Variants in FKBP14 observed in about 807,000 individuals in gnomAD.
FKBP14 encodes the protein peptidyl-prolyl cis-trans isomerase FKBP14.
Under a neutral mutation model 21.6 loss-of-function variants are expected in FKBP14, and 20 were observed. That is an observed-to-expected ratio of 0.92 (90% CI 0.65 to 1.34). FKBP14 has a LOEUF of 1.34. FKBP14 is among the 40% of genes most tolerant of loss of function. The probability of loss-of-function intolerance (pLI) is 0.00; values close to 1 mark genes in which losing one functional copy is unlikely to be tolerated. For missense variants in FKBP14, 253 were observed against 249.0 expected (o/e 1.02, Z -0.11); for synonymous variants, 79 against 86.7 (o/e 0.91, Z 0.49).
chr7:30,026,193 A>G, intron 1 of FKBP14, 119 bp downstream of exon 1: 1 of 939,974 alleles, frequency 1.1e-6, no homozygotes, highest in South Asian at 2.1e-5. Flanking sequence ...GAAGGAAATA[A>G]GATATTTCGG....
downstream of FKBP14, among the ~76,000 whole-genome samples, chr7:30,009,117 T>C (rs1789668483): frequency 2.0e-5 from 3 of 152,226 alleles, no homozygotes; most frequent in South Asian, 4.1e-4. Flanking sequence ...AAAATTCTTA[T>C]GTCCAAGTGC....
intron 1 of FKBP14, among the ~76,000 whole-genome samples, chr7:30,023,579 A>G (rs1231768424): frequency 6.6e-6 from 1 of 152,192 alleles, no homozygotes; most frequent in Non-Finnish European, 1.5e-5. Context: ...CCCCTCAAGG[A>G]CTGGTGTGTT....
At position 30,014,001 on chromosome 7, in the gene FKBP14, T is replaced by C. The variant is rs1219223784; in HGVS notation, c.*734A>G. The C allele has an allele frequency of 6.6e-6, 1 of 152,190 alleles. No individual in the cohort carries two copies. Among genetic ancestry groups the C allele is most frequent in the Non-Finnish European group, 1.5e-5 (1 of 68,056 alleles). The allele number at this position is 152,190 out of a possible 1,614,324, so 9.4% of individuals were successfully genotyped here. On this transcript the variant is annotated 3_prime_UTR_variant, in exon 4 of 4. Coordinates refer to ENST00000222803, the MANE Select transcript of FKBP14 (RefSeq NM_017946.4). ...CCTCAGCCTTCCTGGGTAGCTGGGA[T>C]TACAGGCACGCATCACCACGCCCGG...
chr7:30,017,065 G>T (rs897849983), intron 3 of FKBP14, among the ~76,000 whole-genome samples: 4 of 151,864 alleles, frequency 2.6e-5, no homozygotes, highest in African/African-American at 9.7e-5. Flanking sequence ...GGGGAAATAA[G>T]ACTATGTATT....
chr7:30,015,612 T>A (rs1024679791), intron 3 of FKBP14, among the ~76,000 whole-genome samples: 4 of 151,048 alleles, frequency 2.6e-5, no homozygotes, highest in Non-Finnish European at 4.4e-5. Context: ...TTCTTTTCTT[T>A]TTTTAGACAG....
chr7:30,010,137 TTTC>T (rs1366250981), downstream of FKBP14, among the ~76,000 whole-genome samples: 6 of 152,152 alleles, frequency 3.9e-5, no homozygotes, highest in African/African-American at 1.4e-4. Flanking sequence ...GAAATCATTG[TTTC>T]TCGTTATTTT....
At position 30,026,430 on chromosome 7, in the gene FKBP14, C is replaced by T. The variant is rs148775136; in HGVS notation, c.79G>A (p.Val27Met). 2.5e-6 allele frequency: 4 copies of T among 1,614,196 alleles called. No homozygotes were observed. In the South Asian group the frequency reaches 3.3e-5, roughly 13 times the overall value. The part of the protein sequence containing the change: ...LIGALIPEPE[V>M]KIEVLQKPFI... ...GGCTTCTGGAGAACTTCAATTTTCA[C>T]TTCTGGTTCAGGGATCAAAGCCCCA... The change falls in exon 1 of 4, where the codon GTG becomes ATG. Residue 27 changes from valine (V) to methionine (M), a missense_variant. Transcript: ENST00000222803.
downstream of FKBP14, among the ~76,000 whole-genome samples, chr7:30,009,060 C>T (rs142866081): frequency 2.0e-5 from 3 of 151,938 alleles, no homozygotes; most frequent in African/African-American, 2.4e-5. Flanking sequence ...ATCATTTTGA[C>T]ATCTTAGATT....
In FKBP14 at chr7:30,026,492, C is replaced by T; in HGVS notation, c.17G>A (p.Trp6Ter). 1 of 1,611,718 alleles carries T rather than the reference C, an allele frequency of 6.2e-7. No homozygotes were observed. The highest frequency in any genetic ancestry group is 8.5e-7 in the Non-Finnish European group (1 of 1,179,032). The change falls in exon 1 of 4, where the codon TGG (tryptophan) becomes TAG (stop). Residue 6 changes from tryptophan to a stop codon, truncating the protein, a stop_gained. Coordinates refer to ENST00000222803, the MANE Select transcript of FKBP14 (RefSeq NM_017946.4). LOFTEE classifies it high-confidence loss of function. ...GACGAACAGAGTCAAGACCGCGTTC[C>T]ACAAGAAAAGCCTCATGTTGCTGAA... MRLFL[W>*]NAVLTLFVTS... is the part of the protein sequence containing the mutation.
In FKBP14 at chr7:30,015,916, C is replaced by T. The variant is rs559744030; in HGVS notation, c.478-1023G>A. On this transcript the variant is annotated intron_variant, in intron 3 of 3. Transcript: ENST00000222803. Reference sequence around the variant, plus strand: ...CTGGGATTACAGGCGTGAGCCACCGCGCCCGGCCTTTTAGACAGAATCTTG... The same window carrying T: ...CTGGGATTACAGGCGTGAGCCACCGTGCCCGGCCTTTTAGACAGAATCTTG... 2.0e-5 allele frequency among the ~76,000 whole-genome samples: 3 copies of T among 151,324 alleles called. No individual in the cohort carries two copies. In the South Asian group the frequency reaches 6.3e-4, roughly 32 times the overall value.
chr7:30,020,292 A>C, intron 2 of FKBP14: 2 of 1,285,354 alleles, frequency 1.6e-6, no homozygotes, highest in South Asian at 2.6e-5. Context: ...GCATGCAAGC[A>C]TGTACTAAAA....
intron 1 of FKBP14, among the ~76,000 whole-genome samples, chr7:30,024,596 C>A (rs894257671): frequency 6.6e-6 from 1 of 152,160 alleles, no homozygotes; most frequent in Non-Finnish European, 1.5e-5. Flanking sequence ...CGGGGTTTCA[C>A]CATGTTGGCC....
At chr7:30,020,826 T>A (rs1478131525) in intron 2 of FKBP14, among the ~76,000 whole-genome samples, 1 of 152,014 alleles carries the variant, frequency 6.6e-6, no homozygotes, top group Non-Finnish European at 1.5e-5. Context: ...TCAGAAAAAA[T>A]TTTCTAGATA....
In FKBP14 at chr7:30,018,991, G is replaced by T. The variant is rs1262905524; in HGVS notation, c.477+5C>A. 1.2e-6 allele frequency: 2 copies of T among 1,607,138 alleles called. No individual in the cohort carries two copies. Among genetic ancestry groups the T allele is most frequent in the Admixed American group, 1.7e-5 (1 of 58,554 alleles). Reference sequence around the variant, plus strand: ...GAAAGAGGAGTAGGAAGAAGGAAAGGTCACCTCATCTTTAGAGAGTTTCCA... The same window carrying T: ...GAAAGAGGAGTAGGAAGAAGGAAAGTTCACCTCATCTTTAGAGAGTTTCCA... On this transcript the variant is annotated splice_donor_5th_base_variant and intron_variant, in intron 3 of 3. Coordinates refer to ENST00000222803, the MANE Select transcript of FKBP14 (RefSeq NM_017946.4).
At chr7:30,010,034 T>G (rs190909875), downstream of FKBP14, among the ~76,000 whole-genome samples, 1 of 151,878 alleles carries the variant, frequency 6.6e-6, no homozygotes, top group Non-Finnish European at 1.5e-5. Flanking sequence ...AAAAGAAATA[T>G]AAGCAATATC....
chr7:30,025,179 C>T (rs1016254206), intron 1 of FKBP14, among the ~76,000 whole-genome samples: 5 of 152,164 alleles, frequency 3.3e-5, no homozygotes, highest in African/African-American at 1.2e-4. Context: ...ATGTTATTCC[C>T]TCTACCTACA....
downstream of FKBP14, among the ~76,000 whole-genome samples, chr7:30,010,428 T>C (rs746215149): frequency 3.3e-5 from 5 of 152,214 alleles, no homozygotes; most frequent in Non-Finnish European, 5.9e-5. Context: ...AATATACCTA[T>C]ACAGAGCAGA....
At position 30,013,356 on chromosome 7, in the gene FKBP14, TCTC is replaced by T. The variant is rs1789794719; in HGVS notation, c.*1376_*1378del. The T allele has an allele frequency of 6.6e-6, 1 of 151,710 alleles. No homozygotes were observed. Among genetic ancestry groups the T allele is most frequent in the African/African-American group, 2.4e-5 (1 of 41,214 alleles). The allele number at this position is 151,710 out of a possible 1,614,324, so 9.4% of individuals were successfully genotyped here. A position where few individuals can be genotyped will look rare whatever the true frequency, so the allele number is the denominator to read the frequency against. On this transcript the variant is annotated 3_prime_UTR_variant, in exon 4 of 4. Coordinates refer to ENST00000222803, the MANE Select transcript of FKBP14 (RefSeq NM_017946.4). ...CCTCCGCCTCCCGGGTTCAAGCAAA[TCTC>T]CTGTCTCAGCCTCCCGAGTAGCTGG...
At chr7:30,018,729 T>C (rs1184517250) in intron 3 of FKBP14, among the ~76,000 whole-genome samples, 1 of 152,224 alleles carries the variant, frequency 6.6e-6, no homozygotes, top group African/African-American at 2.4e-5. Context: ...CAGTGAACCC[T>C]AAGCATTGGG....
Sources: gnomAD v4.1 joint callset for allele counts (sites outside exome capture counted in the v4.1 genomes callset) on GRCh38, gnomAD v4.1.1 for gene constraint, MANE v1.5 for transcripts, NCBI Gene and HGNC (gene_info 2026-07-23, HGNC 2026-07-21) for gene names.